CTNNA3: variants seen among roughly 807,000 people sequenced by gnomAD.
CTNNA3 encodes the protein catenin alpha-3.
Under a neutral mutation model 95.7 loss-of-function variants are expected in CTNNA3, and 76 were observed. That is an observed-to-expected ratio of 0.79 (90% CI 0.66 to 0.96). The LOEUF (loss-of-function observed/expected upper bound fraction) is 0.96, where lower values mean the gene tolerates loss of function less well. CTNNA3 is among the 40% of genes least tolerant of loss of function. The pLI is 0.00. For synonymous variants in CTNNA3, 431 were observed against 374.4 expected (o/e 1.15, Z -1.74); for missense variants, 1,191 against 1,089.8 (o/e 1.09, Z -1.31).
intron 3 of CTNNA3, among the ~76,000 whole-genome samples, chr10:67,553,980 A>G (rs1408900912): frequency 6.6e-6 from 1 of 152,128 alleles, no homozygotes; most frequent in Non-Finnish European, 1.5e-5. Flanking sequence ...CCATTGTTCA[A>G]TGACCACCTA....
At chr10:66,985,712 TTC>T (rs1159923711) in intron 7 of CTNNA3, among the ~76,000 whole-genome samples, 4 of 152,014 alleles carry the variant, frequency 2.6e-5, no homozygotes, top group African/African-American at 9.7e-5. Context: ...ACCACATTCT[TTC>T]TGTTTGTTTA....
chr10:66,900,343 T>A (rs997585015), intron 7 of CTNNA3, among the ~76,000 whole-genome samples: 83 of 151,766 alleles, frequency 5.5e-4, no homozygotes, highest in African/African-American at 1.9e-3. Flanking sequence ...AAAAAGGACA[T>A]CCCCAATAAA....
chr10:66,360,252 T>C (rs538658648), intron 12 of CTNNA3, among the ~76,000 whole-genome samples: 1 of 152,248 alleles, frequency 6.6e-6, no homozygotes, highest in East Asian at 1.9e-4. Flanking sequence ...TAGCTTTACA[T>C]TATTCAATAT....
At chr10:66,501,685 C>T (rs554668536) in intron 11 of CTNNA3, among the ~76,000 whole-genome samples, 24 of 152,222 alleles carry the variant, frequency 1.6e-4, no homozygotes, top group African/African-American at 5.5e-4. Context: ...TGTCATGCGC[C>T]TGTGAGAAAC....
chr10:66,047,322 AAC>A (rs1370266067), intron 15 of CTNNA3, among the ~76,000 whole-genome samples: 6 of 152,238 alleles, frequency 3.9e-5, no homozygotes, highest in Non-Finnish European at 7.3e-5. Context: ...AGGTTGGTTC[AAC>A]ACACACAAAT....
intron 12 of CTNNA3, among the ~76,000 whole-genome samples, chr10:66,288,430 C>T (rs934906740): frequency 2.0e-5 from 3 of 151,938 alleles, no homozygotes; most frequent in Non-Finnish European, 4.4e-5. Flanking sequence ...ATGCAAATAG[C>T]AATAAATTAA....
At chr10:67,291,429 C>T (rs1839834455) in intron 5 of CTNNA3, among the ~76,000 whole-genome samples, 1 of 152,176 alleles carries the variant, frequency 6.6e-6, no homozygotes, top group South Asian at 2.1e-4. Flanking sequence ...TAGGTCTCCA[C>T]AGCACTTGCT....
chr10:66,439,171 A>T (rs958276178), intron 11 of CTNNA3, among the ~76,000 whole-genome samples: 3 of 152,160 alleles, frequency 2.0e-5, no homozygotes, highest in African/African-American at 7.2e-5. Flanking sequence ...ACACATTTTT[A>T]ATATAATGGT....
At chr10:67,117,980 C>T (rs1161451822) in intron 7 of CTNNA3, among the ~76,000 whole-genome samples, 1 of 151,910 alleles carries the variant, frequency 6.6e-6, no homozygotes, top group Non-Finnish European at 1.5e-5. Context: ...TTATTTAACA[C>T]ATTACAGCAA....
intron 13 of CTNNA3, among the ~76,000 whole-genome samples, chr10:66,247,084 AG>A (rs1410191041): frequency 3.2e-4 from 49 of 151,876 alleles, no homozygotes; most frequent in African/African-American, 1.2e-3. Context: ...CTGAGCTTGA[AG>A]ATAGGCTGTT....
intron 5 of CTNNA3, among the ~76,000 whole-genome samples, chr10:67,454,629 C>A (rs1378786729): frequency 6.6e-6 from 1 of 152,094 alleles, no homozygotes; most frequent in East Asian, 1.9e-4. Context: ...ATAACCTATG[C>A]CAAGTCTCTT....
chr10:67,743,249 T>C (rs1271488730), intron 1 of CTNNA3, among the ~76,000 whole-genome samples: 2 of 151,212 alleles, frequency 1.3e-5, no homozygotes, highest in Non-Finnish European at 3.0e-5. Context: ...GCAAAAATCC[T>C]CAATAAAATA....
intron 11 of CTNNA3, among the ~76,000 whole-genome samples, chr10:66,450,343 C>G (rs2093455352): frequency 6.6e-6 from 1 of 152,052 alleles, no homozygotes; most frequent in Non-Finnish European, 1.5e-5. Context: ...GAGAAATAAC[C>G]TGTAAACTGA....
intron 1 of CTNNA3, among the ~76,000 whole-genome samples, chr10:67,703,673 T>C (rs1208278314): frequency 6.6e-6 from 1 of 152,204 alleles, no homozygotes; most frequent in African/African-American, 2.4e-5. Context: ...AATATCATAC[T>C]GAATGGGCAA....
chr10:66,240,252 A>T (rs1223728561), intron 13 of CTNNA3, among the ~76,000 whole-genome samples: 2 of 152,080 alleles, frequency 1.3e-5, no homozygotes, highest in African/African-American at 4.8e-5. Context: ...AATCAATAAC[A>T]TTTCAAATGA....
chr10:65,955,350 T>C (rs1043045868), intron 17 of CTNNA3, among the ~76,000 whole-genome samples: 2 of 152,160 alleles, frequency 1.3e-5, no homozygotes, highest in African/African-American at 4.8e-5. Flanking sequence ...CAATTTGACT[T>C]CCTCTTTTCC....
chr10:66,721,512 G>C (rs2132637922), intron 9 of CTNNA3, among the ~76,000 whole-genome samples: 1 of 152,288 alleles, frequency 6.6e-6, no homozygotes, highest in East Asian at 1.9e-4. Context: ...TTGGAAACTA[G>C]TGTTCTAAAG....
At chr10:65,978,977 A>G (rs191739007) in intron 16 of CTNNA3, among the ~76,000 whole-genome samples, 1 of 152,266 alleles carries the variant, frequency 6.6e-6, no homozygotes, top group East Asian at 1.9e-4. Flanking sequence ...AGAGGATAAC[A>G]TTGTCTCATA....
chr10:67,726,536 T>TATATTACATATTATATAATATAA (rs1841225292), intron 1 of CTNNA3, among the ~76,000 whole-genome samples: 1 of 66,070 alleles, frequency 1.5e-5, no homozygotes, highest in African/African-American at 6.9e-5. Flanking sequence ...ATATATATTA[T>TATATTACATATTATATAATATAA]TATATATTAC....
Sources: gnomAD v4.1 joint callset for allele counts (sites outside exome capture counted in the v4.1 genomes callset) on GRCh38, gnomAD v4.1.1 for gene constraint, MANE v1.5 for transcripts, NCBI Gene and HGNC (gene_info 2026-07-23, HGNC 2026-07-21) for gene names.